GAP43: variants seen among roughly 807,000 people sequenced by gnomAD.
GAP43 encodes neuromodulin.
In GAP43, 6 loss-of-function variants were observed where a neutral mutation model predicts 18.6. That is an observed-to-expected ratio of 0.32 (90% CI 0.18 to 0.64). The LOEUF (loss-of-function observed/expected upper bound fraction) is 0.64. Among genes scored for constraint, GAP43 ranks in the 30% least tolerant of loss-of-function variants. GAP43 has a pLI of 0.78. For missense variants in GAP43, 292 were observed against 295.5 expected (o/e 0.99, Z 0.09); for synonymous variants, 115 against 111.4 (o/e 1.03, Z -0.20).
At chr3:115,686,033 C>G (rs1709028634) in intron 2 of GAP43, among the ~76,000 whole-genome samples, 1 of 152,140 alleles carries the variant, frequency 6.6e-6, no homozygotes, top group African/African-American at 2.4e-5. Context: ...GTAGTTTTTG[C>G]CAATTTCTAT....
intron 2 of GAP43, among the ~76,000 whole-genome samples, chr3:115,710,834 A>T (rs993516471): frequency 1.3e-5 from 2 of 152,190 alleles, no homozygotes; most frequent in Non-Finnish European, 2.9e-5. Flanking sequence ...TTATTTAAGA[A>T]CATAGCCTAT....
chr3:115,677,635 A>G lies in GAP43; in HGVS notation c.628+1025A>G, dbSNP rs112453183. Reference sequence around the variant, plus strand: ...TACTTTCCAGCCCCAAAGATCCTCAAAGATAAAGTTTCTTCTGTGTCCATT... The same window carrying G: ...TACTTTCCAGCCCCAAAGATCCTCAGAGATAAAGTTTCTTCTGTGTCCATT... On this transcript the variant is annotated intron_variant, in intron 2 of 2. Transcript: ENST00000305124. Among the ~76,000 whole-genome samples the G allele has an allele frequency of 2.6e-5, 4 of 152,310 alleles. 1 individual carries two copies. The highest frequency in any genetic ancestry group is 9.6e-5 in the African/African-American group (4 of 41,566).
intron 2 of GAP43, among the ~76,000 whole-genome samples, chr3:115,695,300 A>C (rs1180567920): frequency 1.3e-5 from 2 of 152,242 alleles, no homozygotes; most frequent in African/African-American, 4.8e-5. Flanking sequence ...TCTGTCATCA[A>C]GCACTGTTAA....
chr3:115,718,576 A>T (rs1709539371), intron 2 of GAP43, among the ~76,000 whole-genome samples: 1 of 152,188 alleles, frequency 6.6e-6, no homozygotes, highest in Non-Finnish European at 1.5e-5. Context: ...GGAAAGCTAT[A>T]GCCTTAAAAA....
Position 115,720,787 on chromosome 3 carries a change from TTCTC to T in GAP43, c.629-6_629-3del. The T allele has an allele frequency of 6.2e-7, 1 of 1,608,712 alleles. No individual in the cohort carries two copies. Among genetic ancestry groups the T allele is most frequent in the Non-Finnish European group, 8.5e-7 (1 of 1,175,926 alleles). On this transcript the variant is annotated splice_region_variant and splice_polypyrimidine_tract_variant and intron_variant, in intron 2 of 2. Coordinates refer to ENST00000305124, the MANE Select transcript of GAP43 (RefSeq NM_002045.4). Reference sequence around the variant, plus strand: ...TTCCCCCCATCCTATCTTGTTTTCTTTCTCAGAAGCTGTAGATGAAACCAAACCT... The same window carrying T: ...TTCCCCCCATCCTATCTTGTTTTCTTAGAAGCTGTAGATGAAACCAAACCT...
chr3:115,663,041 C>T (rs1378493659), intron 1 of GAP43, among the ~76,000 whole-genome samples: 1 of 152,142 alleles, frequency 6.6e-6, no homozygotes, highest in Non-Finnish European at 1.5e-5. Context: ...TTTCTCCCTG[C>T]AGAACCACAA....
At chr3:115,684,495 C>T (rs186732843) in intron 2 of GAP43, among the ~76,000 whole-genome samples, 18 of 152,280 alleles carry the variant, frequency 1.2e-4, no homozygotes, top group East Asian at 9.6e-4. Flanking sequence ...CATATGTATA[C>T]ACACACATTC....
intron 2 of GAP43, among the ~76,000 whole-genome samples, chr3:115,683,958 T>C (rs1013864587): frequency 2.0e-5 from 3 of 152,148 alleles, no homozygotes; most frequent in Admixed American, 6.5e-5. Context: ...ATATACAAGT[T>C]AGATGTGATT....
At chr3:115,662,862 C>G (rs1708682280) in intron 1 of GAP43, among the ~76,000 whole-genome samples, 1 of 152,190 alleles carries the variant, frequency 6.6e-6, no homozygotes, top group Admixed American at 6.5e-5. Context: ...CAATATCTCC[C>G]TATTTTTACC....
At chr3:115,675,263 G>C (rs959447365) in intron 1 of GAP43, among the ~76,000 whole-genome samples, 1 of 151,944 alleles carries the variant, frequency 6.6e-6, no homozygotes, top group African/African-American at 2.4e-5. Context: ...GTAGAGATGG[G>C]GTCTCACTAT....
At chr3:115,640,524 A>G (rs1056453416) in intron 1 of GAP43, among the ~76,000 whole-genome samples, 5 of 152,118 alleles carry the variant, frequency 3.3e-5, no homozygotes, top group Non-Finnish European at 7.4e-5. Context: ...CAACAAAACT[A>G]TAGTTGACAG....
At chr3:115,674,468 A>C (rs968871748) in intron 1 of GAP43, among the ~76,000 whole-genome samples, 12 of 152,184 alleles carry the variant, frequency 7.9e-5, no homozygotes, top group Non-Finnish European at 1.6e-4. Context: ...AGTCATTTGC[A>C]GCATATATTA....
chr3:115,709,844 C>CATACAT (rs370939943), intron 2 of GAP43, among the ~76,000 whole-genome samples: 1 of 147,960 alleles, frequency 6.8e-6, no homozygotes, highest in Non-Finnish European at 1.5e-5. Flanking sequence ...CATGAACATA[C>CATACAT]ATATATATAT....
intron 1 of GAP43, among the ~76,000 whole-genome samples, chr3:115,672,841 T>C (rs1708831684): frequency 6.6e-6 from 1 of 150,842 alleles, no homozygotes; most frequent in South Asian, 2.1e-4. Flanking sequence ...AATTGTCTTT[T>C]TTTTCCCAAC....
At chr3:115,698,287 A>AAT (rs370131673) in intron 2 of GAP43, among the ~76,000 whole-genome samples, 13,468 of 37,872 alleles carry the variant, frequency 0.36, 4,107 homozygotes, top group African/African-American at 0.68. Flanking sequence ...ATATAAATAT[A>AAT]ATATATATAT....
At chr3:115,693,140 T>C (rs962728351) in intron 2 of GAP43, among the ~76,000 whole-genome samples, 4 of 152,164 alleles carry the variant, frequency 2.6e-5, no homozygotes, top group African/African-American at 9.7e-5. Context: ...TGTCCTCGTC[T>C]TTTCAACATA....
chr3:115,684,404 G>A (rs1709008208), intron 2 of GAP43, among the ~76,000 whole-genome samples: 2 of 152,120 alleles, frequency 1.3e-5, no homozygotes, highest in African/African-American at 4.8e-5. Flanking sequence ...CCTGGTGTAT[G>A]ACAAAGTGAA....
chr3:115,683,113 C>T (rs1441891879), intron 2 of GAP43, among the ~76,000 whole-genome samples: 5 of 145,114 alleles, frequency 3.4e-5, no homozygotes, highest in East Asian at 2.1e-4. Flanking sequence ...TCTTTTTTCT[C>T]TACATACATG....
intron 2 of GAP43, among the ~76,000 whole-genome samples, chr3:115,714,896 CAT>C (rs1491027410): frequency 1.3e-5 from 2 of 151,690 alleles, no homozygotes; most frequent in Non-Finnish European, 2.9e-5. Context: ...CACACACACA[CAT>C]ACAGCCCGAG....
Sources: gnomAD v4.1 joint callset for allele counts (sites outside exome capture counted in the v4.1 genomes callset) on GRCh38, gnomAD v4.1.1 for gene constraint, MANE v1.5 for transcripts, NCBI Gene and HGNC (gene_info 2026-07-23, HGNC 2026-07-21) for gene names.